PIGK: variants seen among roughly 807,000 people sequenced by gnomAD.
PIGK encodes the protein phosphatidylinositol glycan anchor biosynthesis class K, also known as GPI-anchor transamidase.
In PIGK, 42 loss-of-function variants were observed where a neutral mutation model predicts 50.6. The observed-to-expected ratio is 0.83, with a 90% CI of 0.65 to 1.07. The LOEUF (loss-of-function observed/expected upper bound fraction) is 1.07, where lower values mean the gene tolerates loss of function less well. PIGK is among the 50% of genes least tolerant of loss of function. PIGK has a pLI of 0.00. For synonymous variants in PIGK, 151 were observed against 156.0 expected (o/e 0.97, Z 0.24); for missense variants, 448 against 488.7 (o/e 0.92, Z 0.78).
intron 1 of PIGK, among the ~76,000 whole-genome samples, chr1:77,214,044 T>C (rs1468924343): frequency 6.6e-6 from 1 of 152,006 alleles, no homozygotes; most frequent in East Asian, 1.9e-4. Flanking sequence ...GTAATAAAAG[T>C]CCCTCAATGA....
intron 3 of PIGK, among the ~76,000 whole-genome samples, chr1:77,205,237 G>A (rs752329850): frequency 1.2e-4 from 18 of 152,012 alleles, no homozygotes; most frequent in Admixed American, 3.9e-4. Context: ...CAGTATAGAC[G>A]CAAGAGCCGT....
chr1:77,195,236 G>T (rs532341059), intron 3 of PIGK: 8 of 1,241,824 alleles, frequency 6.4e-6, no homozygotes, highest in Non-Finnish European at 9.4e-6. Context: ...CTGGCAGGGC[G>T]ACCTGCAGCT....
In PIGK at chr1:77,185,229, A is replaced by C. The variant is rs576173960; in HGVS notation, c.240-15834T>G. 4.2e-3 allele frequency among the ~76,000 whole-genome samples: 643 copies of C among 152,298 alleles called. 5 individuals are homozygous for C. The highest frequency in any genetic ancestry group is 0.015 in the African/African-American group (621 of 41,566). On this transcript the variant is annotated intron_variant, in intron 3 of 10. Transcript: ENST00000370812. ...CAATATACCTTTACTGTCCTGCCTC[A>C]GGGGTATATCAACTCTCTAGTTTTG...
At chr1:77,193,371 T>C (rs1407477321) in intron 3 of PIGK, among the ~76,000 whole-genome samples, 3 of 151,872 alleles carry the variant, frequency 2.0e-5, no homozygotes, top group Non-Finnish European at 2.9e-5. Flanking sequence ...CACCTTTGCG[T>C]AGAAGTTACA....
In PIGK at chr1:77,161,656, G is replaced by C; in HGVS notation, c.640C>G (p.Arg214Gly). 1 of 1,590,776 alleles carries C rather than the reference G, an allele frequency of 6.3e-7. No homozygotes were observed. The highest frequency in any genetic ancestry group is 8.6e-7 in the Non-Finnish European group (1 of 1,158,906). The part of the protein sequence containing the change: ...DTCQGASMYE[R>G]FYSPNIMALA... Reference sequence around the variant, plus strand: ...GCCATTATGTTAGGAGAATAAAATCGTTCATACATGGATGCTCCTTGGCAA... The same window carrying C: ...GCCATTATGTTAGGAGAATAAAATCCTTCATACATGGATGCTCCTTGGCAA... The change falls in exon 7 of 11, where the codon CGA (arginine) becomes GGA (glycine). Residue 214 changes from arginine to glycine, a missense_variant. By Grantham distance (125) the Arg-to-Gly change is moderately radical. Transcript: ENST00000370812.
intron 3 of PIGK, among the ~76,000 whole-genome samples, chr1:77,181,470 T>C (rs528062505): frequency 1.1e-4 from 16 of 152,278 alleles, no homozygotes; most frequent in African/African-American, 3.8e-4. Context: ...GGTTAAAATG[T>C]TTTTAAACTG....
rs1156950126 is a variant in PIGK at position 77,129,325 on chromosome 1, C to A, written c.987-6966G>T. 3.8e-6 allele frequency: 6 copies of A among 1,591,536 alleles called. No individual in the cohort carries two copies. The African/African-American group carries it at 5.4e-5, about 14-fold the overall frequency. On this transcript the variant is annotated intron_variant, in intron 9 of 10. Transcript: ENST00000370812. ...TACAATGGTGGAGTTGGCAGGTGTG[C>A]GCAGGCCAAGCAGTGGGGCTGGACA...
At chr1:77,127,256 G>GA (rs1325509217) in intron 9 of PIGK, among the ~76,000 whole-genome samples, 42 of 152,244 alleles carry the variant, frequency 2.8e-4, no homozygotes, top group African/African-American at 9.9e-4. Context: ...TCCAGTGCCT[G>GA]AAAAATCTTT....
chr1:77,197,813 A>G (rs1169729676), intron 3 of PIGK, among the ~76,000 whole-genome samples: 1 of 152,178 alleles, frequency 6.6e-6, no homozygotes, highest in Non-Finnish European at 1.5e-5. Flanking sequence ...ATGTTTACAC[A>G]ATCCTTGAAA....
At position 77,134,179 on chromosome 1, in the gene PIGK, G is replaced by A. The variant is rs1054109058; in HGVS notation, c.987-11820C>T. Among the ~76,000 whole-genome samples the A allele has an allele frequency of 9.2e-5, 14 of 152,238 alleles. No homozygotes were observed. In the East Asian group the frequency reaches 1.4e-3, roughly 15 times the overall value. On this transcript the variant is annotated intron_variant, in intron 9 of 10. Transcript: ENST00000370812. ...GCTGACTTCTGCTTTTGCTGCACCCGGAAAAAGCAAGTGTACCCAAGAGAA... is the reference window on the plus strand; with the variant it reads ...GCTGACTTCTGCTTTTGCTGCACCCAGAAAAAGCAAGTGTACCCAAGAGAA...
At chr1:77,155,165 T>C (rs1429834897) in intron 8 of PIGK, among the ~76,000 whole-genome samples, 2 of 152,208 alleles carry the variant, frequency 1.3e-5, no homozygotes, top group Non-Finnish European at 2.9e-5. Flanking sequence ...TCTGTTGTAC[T>C]CCTATGTAGC....
intron 9 of PIGK, chr1:77,129,165 A>G: frequency 6.5e-7 from 1 of 1,540,458 alleles, no homozygotes; most frequent in African/African-American, 1.4e-5. Context: ...ATGCAAATCA[A>G]GAGGTTCCAA....
At position 77,092,468 on chromosome 1, in the gene PIGK, T is replaced by C; in HGVS notation, c.1094A>G (p.His365Arg). 1 of 1,593,524 alleles carries C rather than the reference T, an allele frequency of 6.3e-7. No individual in the cohort carries two copies. Among genetic ancestry groups the C allele is most frequent in the Non-Finnish European group, 8.6e-7 (1 of 1,168,006 alleles). ...IHQKPKLKDWHPPGGFILGLW... is the reference protein window; with the variant it reads ...IHQKPKLKDWRPPGGFILGLW... ...TCCCAGAATAAAGCCCCCAGGAGGA[T>C]GCCAGTCTTTCAGCTTCGGTTTCTG... The change falls in exon 11 of 11, where the codon CAT becomes CGT. Residue 365 changes from histidine to arginine, a missense_variant. His to Arg is a conservative substitution (Grantham distance 29). Coordinates refer to ENST00000370812, the MANE Select transcript of PIGK (RefSeq NM_005482.3).
chr1:77,163,801 T>G, intron 6 of PIGK, 45 bp downstream of exon 6: 1 of 985,948 alleles, frequency 1.0e-6, no homozygotes, highest in Non-Finnish European at 1.6e-6. Flanking sequence ...CATGTGAAAA[T>G]TAGGTATGAA....
intron 8 of PIGK, among the ~76,000 whole-genome samples, chr1:77,159,991 T>C (rs1321237417): frequency 6.6e-6 from 1 of 152,092 alleles, no homozygotes; most frequent in East Asian, 1.9e-4. Context: ...ATGATATAAT[T>C]TGGCTGTGTC....
chr1:77,177,275 C>T (rs971605966), intron 3 of PIGK, among the ~76,000 whole-genome samples: 3 of 152,162 alleles, frequency 2.0e-5, no homozygotes, highest in Admixed American at 6.5e-5. Flanking sequence ...CCAAAACTGG[C>T]CATAAACAAA....
chr1:77,173,393 G>A (rs1333677638), intron 3 of PIGK, among the ~76,000 whole-genome samples: 1 of 152,130 alleles, frequency 6.6e-6, no homozygotes, highest in Non-Finnish European at 1.5e-5. Context: ...TGGTTGGGCA[G>A]CAACTTGCAA....
chr1:77,110,038 A>G (rs957938481), intron 10 of PIGK, among the ~76,000 whole-genome samples: 3 of 152,164 alleles, frequency 2.0e-5, no homozygotes, highest in Admixed American at 1.3e-4. Context: ...AAATACCTAG[A>G]AATCCAGCTT....
chr1:77,185,116 T>C (rs940082772), intron 3 of PIGK, among the ~76,000 whole-genome samples: 2 of 152,228 alleles, frequency 1.3e-5, no homozygotes, highest in South Asian at 4.1e-4. Flanking sequence ...GTACCTGGTA[T>C]GTAGCCACTG....
Sources: gnomAD v4.1 joint callset for allele counts (sites outside exome capture counted in the v4.1 genomes callset) on GRCh38, gnomAD v4.1.1 for gene constraint, MANE v1.5 for transcripts, NCBI Gene and HGNC (gene_info 2026-07-23, HGNC 2026-07-21) for gene names.